RASSF8: variants seen among roughly 807,000 people sequenced by gnomAD.
RASSF8 encodes the protein ras association domain-containing protein 8.
RASSF8 carries 22 observed loss-of-function variants against 48.5 expected under a neutral mutation model. The observed-to-expected ratio is 0.45, with a 90% CI of 0.32 to 0.65. The LOEUF (loss-of-function observed/expected upper bound fraction) is 0.65. Among genes scored for constraint, RASSF8 ranks in the 30% least tolerant of loss-of-function variants. The probability of loss-of-function intolerance (pLI) is 0.03; values close to 1 mark genes in which losing one functional copy is unlikely to be tolerated. For missense variants in RASSF8, 418 were observed against 489.2 expected, an observed-to-expected ratio of 0.85 and a Z score of 1.37; for synonymous variants, 127 against 171.5, an observed-to-expected ratio of 0.74 and a Z score of 2.03.
chr12:26,039,208 A>G (rs1347430931), intron 2 of RASSF8, among the ~76,000 whole-genome samples: 1 of 152,238 alleles, frequency 6.6e-6, no homozygotes, highest in Non-Finnish European at 1.5e-5. Context: ...CAGAAGAATT[A>G]GCTTTTGCTA....
chr12:26,010,096 C>A (rs12812200), intron 2 of RASSF8, among the ~76,000 whole-genome samples: 12,592 of 152,258 alleles, frequency 0.083, 853 homozygotes, highest in East Asian at 0.27. Flanking sequence ...AGGCCCCCCA[C>A]GTGCCATGGC....
At chr12:25,993,454 A>G (rs1942060671) in intron 1 of RASSF8, among the ~76,000 whole-genome samples, 1 of 152,202 alleles carries the variant, frequency 6.6e-6, no homozygotes, top group Non-Finnish European at 1.5e-5. Context: ...TTACTGAAGA[A>G]AAGTTGGTTA....
chr12:25,980,718 T>C (rs1459137813), intron 1 of RASSF8, among the ~76,000 whole-genome samples: 1 of 152,052 alleles, frequency 6.6e-6, no homozygotes, highest in Admixed American at 6.5e-5. Context: ...GGTGAAGCCA[T>C]AGAAGGGATG....
At position 26,069,754 on chromosome 12, in the gene RASSF8, C is replaced by A; in HGVS notation, c.*936C>A. ...CTTTAAGTGATGTATTTTAAAATAACCCGCTTCATATGTATGATCTGTTGG... is the reference window on the plus strand; with the variant it reads ...CTTTAAGTGATGTATTTTAAAATAAACCGCTTCATATGTATGATCTGTTGG... On this transcript the variant is annotated 3_prime_UTR_variant, in exon 6 of 6. Transcript: ENST00000689635. 1.0e-6 allele frequency: 1 copy of A among 985,240 alleles called. No homozygotes were observed. Among genetic ancestry groups the A allele is most frequent in the Non-Finnish European group, 1.2e-6 (1 of 829,804 alleles). The allele number at this position is 985,240 out of a possible 1,614,324, so 61.0% of individuals were successfully genotyped here.
At chr12:25,985,941 A>C (rs914417076) in intron 1 of RASSF8, among the ~76,000 whole-genome samples, 1 of 151,980 alleles carries the variant, frequency 6.6e-6, no homozygotes, top group African/African-American at 2.4e-5. Context: ...AACAAGGAAA[A>C]CCCCTATTTC....
Position 26,064,668 on chromosome 12 carries a change from A to T in RASSF8, c.274A>T (p.Ser92Cys). ...TCTCAGTGAGCGACCCACTTCAGAC[A>T]GTGTGGCTCGAATTCCTGAAAGAAC... The part of the protein sequence containing the change: ...PSLSERPTSD[S>C]VARIPERTLY... Residue 92 changes from serine (S) to cysteine (C), a missense_variant, in exon 4 of 6, where the codon AGT (serine) becomes TGT (cysteine). Transcript: ENST00000689635. The T allele has an allele frequency of 1.9e-6, 3 of 1,614,100 alleles. No homozygotes were observed. Among genetic ancestry groups the T allele is most frequent in the Non-Finnish European group, 1.7e-6 (2 of 1,179,970 alleles).
downstream of RASSF8, among the ~76,000 whole-genome samples, chr12:26,076,191 A>G (rs74073618): frequency 0.047 from 7,208 of 151,936 alleles, 554 homozygotes; most frequent in African/African-American, 0.16. Flanking sequence ...TGCAGTCTTC[A>G]GTCTCCTCTC....
At chr12:25,969,142 A>C (rs998976267) in intron 1 of RASSF8, among the ~76,000 whole-genome samples, 1 of 152,202 alleles carries the variant, frequency 6.6e-6, no homozygotes, top group African/African-American at 2.4e-5. Context: ...CTTATTGGCT[A>C]TGACAAGGAT....
chr12:25,997,716 C>T (rs1942165039), intron 2 of RASSF8, among the ~76,000 whole-genome samples: 2 of 152,080 alleles, frequency 1.3e-5, no homozygotes, highest in Admixed American at 1.3e-4. Context: ...GTCATAGTAA[C>T]CTGCATCAAG....
rs1328563531 is a variant in RASSF8 at position 25,994,817 on chromosome 12, T to G, written c.-202-220T>G. Among the ~76,000 whole-genome samples, 10 of 152,166 alleles carry G rather than the reference T, an allele frequency of 6.6e-5. 1 individual carries two copies. The highest frequency in any genetic ancestry group is 6.5e-4 in the Admixed American group (10 of 15,274). On this transcript the variant is annotated intron_variant, in intron 1 of 5. Coordinates refer to ENST00000689635, the MANE Select transcript of RASSF8 (RefSeq NM_001394098.1). ...AATTCCTTTTTCAAAAGCACAAAAA[T>G]GCTAATTGAAACCAAACCAAACAAA... is the stretch of plus-strand genomic sequence containing the variant.
chr12:25,979,082 G>C (rs149398934), intron 1 of RASSF8, among the ~76,000 whole-genome samples: 1 of 152,146 alleles, frequency 6.6e-6, no homozygotes. Context: ...AAGATTAGAA[G>C]CTCAAAAAGA....
At chr12:25,974,539 A>C (rs1941560953) in intron 1 of RASSF8, among the ~76,000 whole-genome samples, 2 of 151,576 alleles carry the variant, frequency 1.3e-5, no homozygotes, top group South Asian at 4.2e-4. Flanking sequence ...ACTAGCAGAC[A>C]CAGAGCAATA....
intron 2 of RASSF8, among the ~76,000 whole-genome samples, chr12:26,010,686 G>A (rs1942501383): frequency 2.0e-5 from 3 of 152,080 alleles, no homozygotes; most frequent in Admixed American, 1.3e-4. Context: ...TCACTTTAAG[G>A]AATAGGAGGA....
downstream of RASSF8, among the ~76,000 whole-genome samples, chr12:26,076,806 T>C (rs894375235): frequency 3.9e-5 from 6 of 152,202 alleles, no homozygotes; most frequent in Non-Finnish European, 1.5e-5. Flanking sequence ...GGTCAGATGG[T>C]ATTTCTAGTT....
chr12:25,995,876 G>A (rs1041883110), intron 2 of RASSF8, among the ~76,000 whole-genome samples: 4 of 150,266 alleles, frequency 2.7e-5, no homozygotes, highest in African/African-American at 7.3e-5. Context: ...ACCAGCCAGC[G>A]TGCTGTCTCA....
Position 26,065,123 on chromosome 12 carries a change from A to G in RASSF8, c.729A>G (p.Gln243=). ...EQENEKQLKD[Q]LQEIRQKITE... ...AAAATGAAAAACAGCTGAAGGATCA[A>G]CTTCAAGAAATAAGACAGAAAATAA... is the stretch of plus-strand genomic sequence containing the variant. Residue 243 remains glutamine, a synonymous_variant, in exon 4 of 6, where the codon CAA becomes CAG. Coordinates refer to ENST00000689635, the MANE Select transcript of RASSF8 (RefSeq NM_001394098.1). 1.2e-6 allele frequency: 2 copies of G among 1,614,104 alleles called. No homozygotes were observed. Among genetic ancestry groups the G allele is most frequent in the Non-Finnish European group, 1.7e-6 (2 of 1,179,988 alleles).
chr12:26,036,305 G>T (rs73079055), intron 2 of RASSF8, among the ~76,000 whole-genome samples: 14,592 of 151,724 alleles, frequency 0.096, 734 homozygotes, highest in Middle Eastern at 0.16. Context: ...GTTTCGTTTT[G>T]TTTTGTTTCA....
chr12:26,028,985 T>A (rs1942973745), intron 2 of RASSF8, among the ~76,000 whole-genome samples: 1 of 152,174 alleles, frequency 6.6e-6, no homozygotes. Flanking sequence ...AAAAAAGCCG[T>A]ATAAAATTTT....
intron 2 of RASSF8, among the ~76,000 whole-genome samples, chr12:26,039,650 C>T (rs1943223391): frequency 6.6e-6 from 1 of 152,162 alleles, no homozygotes; most frequent in African/African-American, 2.4e-5. Context: ...GGTACATTAA[C>T]AGTACCAGTA....
Sources: gnomAD v4.1 joint callset for allele counts (sites outside exome capture counted in the v4.1 genomes callset) on GRCh38, gnomAD v4.1.1 for gene constraint, MANE v1.5 for transcripts, NCBI Gene and HGNC (gene_info 2026-07-23, HGNC 2026-07-21) for gene names.